The following ADAMTS12 variants were observed in gnomAD, a reference collection of about 807,000 sequenced individuals.
The protein encoded by ADAMTS12 is ADAM metallopeptidase with thrombospondin type 1 motif 12, also known as A disintegrin and metalloproteinase with thrombospondin motifs 12.
In ADAMTS12, 118 loss-of-function variants were observed where a neutral mutation model predicts 167.8. That is an observed-to-expected ratio of 0.70 (90% CI 0.61 to 0.82). The LOEUF is 0.82. Ranked by LOEUF, ADAMTS12 falls within the 40% of genes least tolerant of loss-of-function variation. ADAMTS12 has a pLI of 0.00. For synonymous variants in ADAMTS12, 704 were observed against 716.9 expected (o/e 0.98, Z 0.29); for missense variants, 1,916 against 1,998.8 (o/e 0.96, Z 0.79).
At chr5:33,785,682 T>G (rs1414595097) in intron 2 of ADAMTS12, among the ~76,000 whole-genome samples, 1 of 152,168 alleles carries the variant, frequency 6.6e-6, no homozygotes, top group Non-Finnish European at 1.5e-5. Flanking sequence ...TTGGCTAACA[T>G]ATGGAAAAAC....
At chr5:33,752,801 T>C (rs1014831761) in intron 2 of ADAMTS12, among the ~76,000 whole-genome samples, 2 of 152,190 alleles carry the variant, frequency 1.3e-5, no homozygotes, top group African/African-American at 4.8e-5. Context: ...CAGATGAGTC[T>C]GAAGACAAGC....
intron 2 of ADAMTS12, among the ~76,000 whole-genome samples, chr5:33,820,785 T>C (rs1363119226): frequency 6.6e-6 from 1 of 152,188 alleles, no homozygotes; most frequent in Non-Finnish European, 1.5e-5. Flanking sequence ...TAGAATATTA[T>C]GCAGCATGAA....
chr5:33,527,457 T>C lies in ADAMTS12; in HGVS notation c.4607-91A>G, dbSNP rs1026474937. 23 of 1,274,212 alleles carry C rather than the reference T, an allele frequency of 1.8e-5. No homozygotes were observed. The African/African-American group carries it at 2.7e-4, about 15-fold the overall frequency. The allele number at this position is 1,274,212 out of a possible 1,614,324, so 78.9% of individuals were successfully genotyped here. A position where few individuals can be genotyped will look rare whatever the true frequency, so the allele number is the denominator to read the frequency against. On this transcript the variant is annotated intron_variant, in intron 23 of 23. Coordinates refer to ENST00000504830, the MANE Select transcript of ADAMTS12 (RefSeq NM_030955.4). ...ACTTCTATTAATGTAAGACTTTATA[T>C]GTCTACCAAGAAAGGAGCCATAACA...
intron 2 of ADAMTS12, among the ~76,000 whole-genome samples, chr5:33,822,342 C>A (rs947327050): frequency 2.0e-5 from 3 of 152,150 alleles, no homozygotes; most frequent in African/African-American, 7.2e-5. Context: ...CACTTGGACA[C>A]AGAGCATGCA....
At chr5:33,779,414 G>A (rs1418826471) in intron 2 of ADAMTS12, among the ~76,000 whole-genome samples, 10 of 152,094 alleles carry the variant, frequency 6.6e-5, no homozygotes, top group Non-Finnish European at 1.0e-4. Context: ...TTGAACTCCT[G>A]ACCTCAAGTG....
At chr5:33,613,954 C>T (rs1187876240) in intron 16 of ADAMTS12, among the ~76,000 whole-genome samples, 2 of 152,172 alleles carry the variant, frequency 1.3e-5, no homozygotes, top group East Asian at 1.9e-4. Flanking sequence ...GTTGTTAATG[C>T]TTTTTGTTTG....
chr5:33,882,073 G>T (rs1471493844), intron 1 of ADAMTS12, among the ~76,000 whole-genome samples: 2 of 152,140 alleles, frequency 1.3e-5, no homozygotes, highest in Non-Finnish European at 2.9e-5. Flanking sequence ...TAGAAAAGGG[G>T]CAAGATCTGA....
At chr5:33,630,214 C>G (rs1451471283) in intron 13 of ADAMTS12, among the ~76,000 whole-genome samples, 1 of 152,140 alleles carries the variant, frequency 6.6e-6, no homozygotes, top group African/African-American at 2.4e-5. Context: ...AAATAAAATG[C>G]AAGCAGCAAC....
intron 11 of ADAMTS12, 39 bp downstream of exon 11, chr5:33,641,771 A>T: frequency 6.6e-7 from 1 of 1,516,802 alleles, no homozygotes; most frequent in Non-Finnish European, 8.9e-7. Context: ...CGCCCCCAGC[A>T]CATGTGGAGA....
intron 1 of ADAMTS12, among the ~76,000 whole-genome samples, chr5:33,887,109 T>C (rs1750664090): frequency 6.6e-6 from 1 of 152,076 alleles, no homozygotes; most frequent in African/African-American, 2.4e-5. Flanking sequence ...AGCTATAATC[T>C]TGGCCAATGA....
At chr5:33,565,120 A>T (rs560461693) in intron 19 of ADAMTS12, among the ~76,000 whole-genome samples, 4 of 152,220 alleles carry the variant, frequency 2.6e-5, no homozygotes, top group South Asian at 2.1e-4. Flanking sequence ...CAGAGTTTTC[A>T]TTCTGAACCC....
intron 23 of ADAMTS12, among the ~76,000 whole-genome samples, chr5:33,532,348 C>G (rs1460498129): frequency 6.6e-6 from 1 of 152,048 alleles, no homozygotes; most frequent in Non-Finnish European, 1.5e-5. Context: ...ATCTTGTGAT[C>G]AATAATATTT....
chr5:33,812,584 C>T (rs754045639), intron 2 of ADAMTS12, among the ~76,000 whole-genome samples: 5 of 152,266 alleles, frequency 3.3e-5, no homozygotes, highest in Non-Finnish European at 7.4e-5. Flanking sequence ...ATTAGTTTTG[C>T]CTGGCTTTGG....
chr5:33,579,460 C>A (rs1420111316), intron 18 of ADAMTS12, among the ~76,000 whole-genome samples: 3 of 152,152 alleles, frequency 2.0e-5, no homozygotes, highest in Admixed American at 2.0e-4. Context: ...TTTTCTTTCT[C>A]TTCTTTCTCT....
intron 2 of ADAMTS12, among the ~76,000 whole-genome samples, chr5:33,808,125 C>T (rs529074479): frequency 1.3e-5 from 2 of 152,224 alleles, no homozygotes; most frequent in South Asian, 2.1e-4. Context: ...GCACGAGCCG[C>T]GTACAGAAAG....
intron 2 of ADAMTS12, among the ~76,000 whole-genome samples, chr5:33,753,022 A>G (rs1745046942): frequency 1.3e-5 from 2 of 152,248 alleles, no homozygotes; most frequent in South Asian, 4.1e-4. Context: ...AATAGAAAAA[A>G]TAGAGCACTT....
intron 12 of ADAMTS12, among the ~76,000 whole-genome samples, chr5:33,637,284 C>T: frequency 6.6e-6 from 1 of 152,116 alleles, no homozygotes; most frequent in East Asian, 1.9e-4. Context: ...TACTGAATTC[C>T]TACATGTCCT....
chr5:33,552,628 T>C (rs997812506), intron 20 of ADAMTS12, among the ~76,000 whole-genome samples: 3 of 152,236 alleles, frequency 2.0e-5, no homozygotes, highest in African/African-American at 4.8e-5. Flanking sequence ...TCTGGCCTTA[T>C]GCTAAACACA....
At chr5:33,560,112 A>C (rs1031881678) in intron 20 of ADAMTS12, among the ~76,000 whole-genome samples, 1 of 152,192 alleles carries the variant, frequency 6.6e-6, no homozygotes, top group African/African-American at 2.4e-5. Flanking sequence ...CATGCTGGAG[A>C]AGCAATTAAT....
Sources: allele counts gnomAD v4.1 joint callset (sites outside exome capture counted in the v4.1 genomes callset), GRCh38; gene constraint gnomAD v4.1.1; transcripts MANE v1.5; gene names NCBI Gene and HGNC (gene_info 2026-07-23, HGNC 2026-07-21).